Variants in KIAA1549 observed in about 807,000 individuals in gnomAD.
KIAA1549 encodes the protein KIAA1549.
In KIAA1549, 70 loss-of-function variants were observed where a neutral mutation model predicts 156.4. The observed-to-expected ratio is 0.45, with a 90% CI of 0.37 to 0.55. The LOEUF (loss-of-function observed/expected upper bound fraction) is 0.55. Ranked by LOEUF, KIAA1549 falls within the 20% of genes least tolerant of loss-of-function variation. KIAA1549 has a pLI of 0.00. For synonymous variants in KIAA1549, 1,103 were observed against 1,066.4 expected, an observed-to-expected ratio of 1.03 and a Z score of -0.67; for missense variants, 2,428 against 2,540.9, an observed-to-expected ratio of 0.96 and a Z score of 0.96.
intron 1 of KIAA1549, among the ~76,000 whole-genome samples, chr7:138,954,398 G>C (rs939346840): frequency 6.6e-6 from 1 of 152,156 alleles, no homozygotes; most frequent in Non-Finnish European, 1.5e-5. Flanking sequence ...GATGGAGATT[G>C]GGTGGGTACT....
At chr7:138,860,968 C>T (rs551868167) in intron 16 of KIAA1549, among the ~76,000 whole-genome samples, 171 bp downstream of exon 16, 1 of 152,342 alleles carries the variant, frequency 6.6e-6, no homozygotes, top group Non-Finnish European at 1.5e-5. Context: ...AAACGGATAC[C>T]TCCAACATTA....
chr7:138,868,974 G>A (rs1367420745), intron 14 of KIAA1549, among the ~76,000 whole-genome samples: 1 of 152,226 alleles, frequency 6.6e-6, no homozygotes, highest in Non-Finnish European at 1.5e-5. Context: ...GTTTTGAGTA[G>A]AGAAAGACAT....
At chr7:138,947,226 C>CA (rs1248542973) in intron 1 of KIAA1549, among the ~76,000 whole-genome samples, 1 of 152,132 alleles carries the variant, frequency 6.6e-6, no homozygotes, top group Non-Finnish European at 1.5e-5. Flanking sequence ...TGATGGAAAA[C>CA]AAGTTAACTT....
intron 16 of KIAA1549, among the ~76,000 whole-genome samples, chr7:138,855,605 A>G (rs1398753262): frequency 1.3e-5 from 2 of 152,234 alleles, no homozygotes; most frequent in Non-Finnish European, 2.9e-5. Flanking sequence ...TCACCTGCAC[A>G]TCGCAGGTGC....
rs1812372627 is a variant in KIAA1549, at chr7:138,917,543, G to T, written c.2083C>A (p.Gln695Lys). 3 of 1,613,694 alleles carry T rather than the reference G, an allele frequency of 1.9e-6. No individual in the cohort carries two copies. Among genetic ancestry groups the T allele is most frequent in the Non-Finnish European group, 2.5e-6 (3 of 1,179,894 alleles). Residue 695 changes from glutamine to lysine, a missense_variant, in exon 2 of 20, where the codon CAG (glutamine) becomes AAG (lysine). By Grantham distance (53) the Gln-to-Lys change is moderately conservative. Coordinates refer to ENST00000422774, the MANE Select transcript of KIAA1549 (RefSeq NM_001164665.2). ...LPSSTNLEFS[Q>K]LQPSSELPLN... ...GGCAGCTCGGAACTTGGCTGGAGCT[G>T]CGAAAACTCAAGATTTGTGGAACTG... is the stretch of plus-strand genomic sequence containing the variant.
chr7:138,841,542 C>T (rs74504935), intron 18 of KIAA1549, among the ~76,000 whole-genome samples: 2,778 of 152,210 alleles, frequency 0.018, 35 homozygotes, highest in Middle Eastern at 0.034. Flanking sequence ...AAATTAAGGG[C>T]GAACAAAGTG....
chr7:138,875,473 C>A (rs1227630743), intron 12 of KIAA1549, among the ~76,000 whole-genome samples: 2 of 151,874 alleles, frequency 1.3e-5, no homozygotes, highest in African/African-American at 4.8e-5. Context: ...GGCAAGACCT[C>A]GTCTCTACAA....
intron 16 of KIAA1549, among the ~76,000 whole-genome samples, chr7:138,859,254 C>T (rs1203011772): frequency 2.0e-5 from 3 of 151,970 alleles, no homozygotes; most frequent in Non-Finnish European, 2.9e-5. Flanking sequence ...TCTATTGAAT[C>T]GGGACTCTAC....
Position 138,837,955 on chromosome 7 carries a change from A to T in KIAA1549, c.5804T>A (p.Leu1935His), listed in dbSNP as rs1809785361. 6.2e-7 allele frequency: 1 copy of T among 1,613,692 alleles called. No individual in the cohort carries two copies. Among genetic ancestry groups the T allele is most frequent in the South Asian group, 1.1e-5 (1 of 91,014 alleles). ...GCTCTGTTTCTGGGAGAGCCGGAGG[A>T]GCTCCTCGCGGATTGCTTTGATGAG... is the stretch of plus-strand genomic sequence containing the variant. ...ASLIKAIREE[L>H]LRLSQKQSTV... The change falls in exon 20 of 20, where the codon CTC becomes CAC. Residue 1935 changes from leucine to histidine, a missense_variant. Leu to His is a moderately conservative substitution (Grantham distance 99). Transcript: ENST00000422774.
In KIAA1549 at chr7:138,832,497, C is replaced by T. The variant is rs1455322230; in HGVS notation, c.*5409G>A. The T allele has an allele frequency of 5.1e-6, 1 of 197,112 alleles. No homozygotes were observed. The highest frequency in any genetic ancestry group is 1.1e-5 in the Non-Finnish European group (1 of 95,114). 12.2% of individuals were successfully genotyped at this position (197,112 alleles called of 1,614,324 possible). The stretch of plus-strand genomic sequence containing the variant: ...TAGAGGCTTGAGCCACCATGCCCAG[C>T]CTATTCACTCTTTCTTTAGAAATGT... On this transcript the variant is annotated 3_prime_UTR_variant, in exon 20 of 20. Coordinates refer to ENST00000422774, the MANE Select transcript of KIAA1549 (RefSeq NM_001164665.2).
intron 5 of KIAA1549, among the ~76,000 whole-genome samples, chr7:138,907,906 C>T (rs1024346075): frequency 2.0e-5 from 3 of 152,278 alleles, no homozygotes; most frequent in East Asian, 1.9e-4. Flanking sequence ...CACTAAAGTG[C>T]CCCATCCCCT....
chr7:138,903,798 T>C (rs1407855699), intron 7 of KIAA1549, 62 bp from the exon 8 acceptor site: 3 of 23,728 alleles, frequency 1.3e-4, no homozygotes, highest in Admixed American at 6.2e-4. Context: ...AAACAGTGTG[T>C]GTGTGTGTGT....
intron 2 of KIAA1549, among the ~76,000 whole-genome samples, chr7:138,915,484 A>G (rs1296797155): frequency 1.3e-5 from 2 of 151,860 alleles, no homozygotes; most frequent in Admixed American, 6.6e-5. Context: ...CATTCTCCAA[A>G]GCCATTCCCA....
chr7:138,854,862 TA>T (rs765191993), intron 16 of KIAA1549, among the ~76,000 whole-genome samples: 1 of 151,874 alleles, frequency 6.6e-6, no homozygotes, highest in Non-Finnish European at 1.5e-5. Context: ...AATGAACAAA[TA>T]AGAGAAATAA....
At chr7:138,865,522 G>A (rs1230298733) in intron 15 of KIAA1549, among the ~76,000 whole-genome samples, 2 of 151,794 alleles carry the variant, frequency 1.3e-5, no homozygotes, top group Non-Finnish European at 2.9e-5. Flanking sequence ...AAGAAAAGAT[G>A]AGTTCTGAGA....
intron 7 of KIAA1549, 21 bp downstream of exon 7, chr7:138,905,001 T>C: frequency 6.7e-7 from 1 of 1,501,276 alleles, no homozygotes; most frequent in East Asian, 2.4e-5. Flanking sequence ...GTTCCCAAAA[T>C]ATTACATAAG....
At chr7:138,915,851 G>A (rs1812302114) in intron 2 of KIAA1549, among the ~76,000 whole-genome samples, 1 of 152,192 alleles carries the variant, frequency 6.6e-6, no homozygotes, top group African/African-American at 2.4e-5. Context: ...TGTCTCATGA[G>A]GAAAAATGCA....
chr7:138,918,306 T>C lies in KIAA1549; in HGVS notation c.1320A>G (p.Lys440=). 2 of 1,614,018 alleles carry C rather than the reference T, an allele frequency of 1.2e-6. No individual in the cohort carries two copies. The highest frequency in any genetic ancestry group is 2.2e-5 in the South Asian group (2 of 91,082). The part of the protein sequence containing the change: ...QQVLATSLME[K]DVGSGDGAET... ...CGGCACCATCCCCTGATCCCACGTC[T>C]TTCTCCATGAGGCTCGTGGCCAGAA... Residue 440 remains lysine, a synonymous_variant, in exon 2 of 20, where the codon AAA becomes AAG. Transcript: ENST00000422774. This position sits in a 1 kb window ranked among gnomAD's most constrained non-coding sequence, Gnocchi z 4.2.
intron 1 of KIAA1549, among the ~76,000 whole-genome samples, chr7:138,951,921 C>T (rs1210661541): frequency 2.0e-5 from 3 of 152,130 alleles, no homozygotes; most frequent in Admixed American, 6.5e-5. Context: ...GGCTCCAGTG[C>T]GTTAACTAAA....
Sources: allele counts gnomAD v4.1 joint callset (sites outside exome capture counted in the v4.1 genomes callset), GRCh38; gene constraint gnomAD v4.1.1; non-coding constraint Gnocchi (gnomAD v3.1); transcripts MANE v1.5; gene names NCBI Gene and HGNC (gene_info 2026-07-23, HGNC 2026-07-21).